Variants in CDCP1 observed in about 807,000 individuals in gnomAD.
The protein encoded by CDCP1 is CUB domain-containing protein 1.
CDCP1 carries 29 observed loss-of-function variants against 60.2 expected under a neutral mutation model. The ratio of observed to expected loss-of-function variants is 0.48; its 90% CI spans 0.36 to 0.66. The LOEUF is 0.66. Among genes scored for constraint, CDCP1 ranks in the 30% least tolerant of loss-of-function variants. CDCP1 has a pLI of 0.00. For synonymous variants in CDCP1, 387 were observed against 431.1 expected, an observed-to-expected ratio of 0.90 and a Z score of 1.27; for missense variants, 876 against 1,074.3, an observed-to-expected ratio of 0.82 and a Z score of 2.58.
At chr3:45,130,873 T>G (rs888260893) in intron 1 of CDCP1, among the ~76,000 whole-genome samples, 1 of 152,164 alleles carries the variant, frequency 6.6e-6, no homozygotes, top group Non-Finnish European at 1.5e-5. Flanking sequence ...GCTTCATTTT[T>G]TTTTTCTTTC....
rs996117965 is a variant in CDCP1 at position 45,112,690 on chromosome 3, T to C, written c.293-245A>G. Among the ~76,000 whole-genome samples, 8 of 152,136 alleles carry C rather than the reference T, an allele frequency of 5.3e-5. 1 individual carries two copies. Among genetic ancestry groups the C allele is most frequent in the African/African-American group, 1.9e-4 (8 of 41,428 alleles). On this transcript the variant is annotated intron_variant, in intron 2 of 8. Transcript: ENST00000296129. ...CCTTGAACCAGAAAAGCCTGAGAGGTGTTGCAGCCCCTCATGCCCATCCCA... is the reference window on the plus strand; with the variant it reads ...CCTTGAACCAGAAAAGCCTGAGAGGCGTTGCAGCCCCTCATGCCCATCCCA...
Position 45,085,517 on chromosome 3 carries a change from A to G in CDCP1, c.*121T>C. The G allele has an allele frequency of 2.8e-6, 3 of 1,073,160 alleles. No individual in the cohort carries two copies. The highest frequency in any genetic ancestry group is 4.1e-6 in the Non-Finnish European group (3 of 732,984). The allele number at this position is 1,073,160 out of a possible 1,614,324, so 66.5% of individuals were successfully genotyped here. A position where few individuals can be genotyped will look rare whatever the true frequency, so the allele number is the denominator to read the frequency against. On this transcript the variant is annotated 3_prime_UTR_variant, in exon 9 of 9. Coordinates refer to ENST00000296129, the MANE Select transcript of CDCP1 (RefSeq NM_022842.5). This position sits in a 1 kb window ranked among gnomAD's most constrained non-coding sequence, Gnocchi z 4.2. The stretch of plus-strand genomic sequence containing the variant: ...CAATGTGAAGTTGGCGGTGTCCAGG[A>G]AAACCTCCTGCTGTTCCTTCTGTAT...
chr3:45,119,099 GTACA>G (rs1201321449), intron 1 of CDCP1, among the ~76,000 whole-genome samples: 4 of 152,160 alleles, frequency 2.6e-5, no homozygotes, highest in Admixed American at 1.3e-4. Flanking sequence ...ACACACGTAC[GTACA>G]TACATACATA....
intron 1 of CDCP1, among the ~76,000 whole-genome samples, chr3:45,131,637 T>C (rs1436631772): frequency 6.6e-6 from 1 of 152,170 alleles, no homozygotes; most frequent in African/African-American, 2.4e-5. Context: ...TGACTAAAAC[T>C]ACATAGCCTC....
chr3:45,108,785 A>T (rs1235208411), intron 4 of CDCP1, among the ~76,000 whole-genome samples: 7 of 38,422 alleles, frequency 1.8e-4, no homozygotes, highest in South Asian at 1.4e-3. Context: ...GTATACATAT[A>T]TATGCATGTA....
intron 4 of CDCP1, 21 bp from the exon 5 acceptor site, chr3:45,095,589 C>G: frequency 6.2e-7 from 1 of 1,609,512 alleles, no homozygotes; most frequent in Non-Finnish European, 8.5e-7. Flanking sequence ...AAACAGAAAA[C>G]AGGCATGAAG....
chr3:45,129,858 A>T (rs1699057801), intron 1 of CDCP1, among the ~76,000 whole-genome samples: 1 of 152,182 alleles, frequency 6.6e-6, no homozygotes, highest in African/African-American at 2.4e-5. Flanking sequence ...ACAAAAATCC[A>T]CACACAAAAG....
intron 1 of CDCP1, among the ~76,000 whole-genome samples, chr3:45,131,464 C>T (rs553860352): frequency 3.5e-4 from 54 of 152,330 alleles, no homozygotes; most frequent in African/African-American, 1.2e-3. Context: ...CCCATCTCTC[C>T]TCTCAACCCT....
At position 45,110,844 on chromosome 3, in the gene CDCP1, A is replaced by G; in HGVS notation, c.656-3T>C. The stretch of plus-strand genomic sequence containing the variant: ...CACAGACTCGATGATGCACAGACCT[A>G]GTGGGAGTGGAACCCAAACCAGAAA... On this transcript the variant is annotated splice_polypyrimidine_tract_variant and splice_region_variant and intron_variant, in intron 3 of 8. Transcript: ENST00000296129. 2 of 1,605,766 alleles carry G rather than the reference A, an allele frequency of 1.2e-6. No individual in the cohort carries two copies. Among genetic ancestry groups the G allele is most frequent in the African/African-American group, 1.3e-5 (1 of 74,872 alleles).
intron 2 of CDCP1, among the ~76,000 whole-genome samples, chr3:45,114,249 G>C (rs1393654211): frequency 6.6e-6 from 1 of 152,178 alleles, no homozygotes; most frequent in Non-Finnish European, 1.5e-5. Context: ...ACAGGTAAGA[G>C]TAGTCAAAAT....
Position 45,085,290 on chromosome 3 carries a change from T to G in CDCP1, c.*348A>C, listed in dbSNP as rs933009259. On this transcript the variant is annotated 3_prime_UTR_variant, in exon 9 of 9. Transcript: ENST00000296129. The surrounding 1 kb of genome is among the most constrained non-coding windows in gnomAD (Gnocchi z 4.2). Reference sequence around the variant, plus strand: ...AGGCTCCTTGGAATTGGAACTGTTGTCCTGAAGAGGGCAAGCCTCTGTTTA... The same window carrying G: ...AGGCTCCTTGGAATTGGAACTGTTGGCCTGAAGAGGGCAAGCCTCTGTTTA... 1 of 205,644 alleles carries G rather than the reference T, an allele frequency of 4.9e-6. No homozygotes were observed. The highest frequency in any genetic ancestry group is 2.3e-5 in the African/African-American group (1 of 43,272). The allele number at this position is 205,644 out of a possible 1,614,324, so 12.7% of individuals were successfully genotyped here.
In CDCP1 at chr3:45,110,179, C is replaced by T. The variant is rs968923658; in HGVS notation, c.1024+294G>A. On this transcript the variant is annotated intron_variant, in intron 4 of 8. Coordinates refer to ENST00000296129, the MANE Select transcript of CDCP1 (RefSeq NM_022842.5). ...GACATCCTCATTCACATTGCAGGGT[C>T]AAGACATAAGATCTAGAAAAATGAC... is the stretch of plus-strand genomic sequence containing the variant. 3.2e-6 allele frequency: 4 copies of T among 1,246,130 alleles called. No homozygotes were observed. In the African/African-American group the frequency reaches 6.1e-5, roughly 19 times the overall value. 77.2% of individuals were successfully genotyped at this position (1,246,130 alleles called of 1,614,324 possible).
intron 2 of CDCP1, among the ~76,000 whole-genome samples, chr3:45,117,678 C>CT (rs776812886): frequency 1.1e-4 from 17 of 151,406 alleles, no homozygotes; most frequent in South Asian, 4.2e-4. Flanking sequence ...TTCACTGCAA[C>CT]TTGTGCCTCC....
chr3:45,146,426 G>A, upstream of CDCP1: 2 of 633,098 alleles, frequency 3.2e-6, no homozygotes, highest in Non-Finnish European at 5.0e-6. Flanking sequence ...CCCGCCCTGC[G>A]CAGCAGGATC....
At chr3:45,134,817 CAG>C (rs1449143152) in intron 1 of CDCP1, among the ~76,000 whole-genome samples, 1 of 152,166 alleles carries the variant, frequency 6.6e-6, no homozygotes. Flanking sequence ...CTTCCTCACC[CAG>C]AGGGCCCAGG....
intron 4 of CDCP1, among the ~76,000 whole-genome samples, chr3:45,104,230 C>G (rs1029797229): frequency 1.3e-5 from 2 of 152,264 alleles, no homozygotes; most frequent in Non-Finnish European, 2.9e-5. Context: ...GGGGGCAAGA[C>G]AGACTGCCCG....
At chr3:45,120,315 C>T (rs1169188744) in intron 1 of CDCP1, among the ~76,000 whole-genome samples, 1 of 152,210 alleles carries the variant, frequency 6.6e-6, no homozygotes, top group African/African-American at 2.4e-5. Flanking sequence ...TGGCCAGCTG[C>T]TCCTTACATA....
chr3:45,131,863 A>T (rs1014931554), intron 1 of CDCP1, among the ~76,000 whole-genome samples: 7 of 152,228 alleles, frequency 4.6e-5, no homozygotes, highest in Non-Finnish European at 1.0e-4. Flanking sequence ...TCTGTAGGCC[A>T]CGCACTGAAT....
rs183069259 is a variant in CDCP1 at position 45,095,165 on chromosome 3, C to T, written c.1246+182G>A. On this transcript the variant is annotated intron_variant, in intron 5 of 8. Transcript: ENST00000296129. ...GCCAGGCTGGTCTTGAACTCCTGACCTCAAGTGATCCACCAGCCTTGGCCT... is the reference window on the plus strand; with the variant it reads ...GCCAGGCTGGTCTTGAACTCCTGACTTCAAGTGATCCACCAGCCTTGGCCT... Among the ~76,000 whole-genome samples the T allele has an allele frequency of 2.0e-5, 3 of 152,248 alleles. No individual in the cohort carries two copies. The East Asian group carries it at 5.8e-4, about 29-fold the overall frequency.
Sources: allele counts gnomAD v4.1 joint callset (sites outside exome capture counted in the v4.1 genomes callset), GRCh38; gene constraint gnomAD v4.1.1; non-coding constraint Gnocchi (gnomAD v3.1); transcripts MANE v1.5; gene names NCBI Gene and HGNC (gene_info 2026-07-23, HGNC 2026-07-21).